Variants in CCDC7 observed in about 807,000 individuals in gnomAD.
CCDC7 encodes coiled-coil domain containing 7.
In CCDC7, 183 loss-of-function variants were observed where a neutral mutation model predicts 196.9. The ratio of observed to expected loss-of-function variants is 0.93; its 90% CI spans 0.82 to 1.05. The LOEUF (loss-of-function observed/expected upper bound fraction) is 1.05, where lower values mean the gene tolerates loss of function less well. Among genes scored for constraint, CCDC7 ranks in the 50% least tolerant of loss-of-function variants. CCDC7 has a pLI of 0.00. For missense variants in CCDC7, 1,540 were observed against 1,482.2 expected (o/e 1.04, Z -0.64); for synonymous variants, 525 against 484.6 (o/e 1.08, Z -1.10).
At position 32,474,210 on chromosome 10, in the gene CCDC7, C is replaced by CTTT. The variant is rs71027095; in HGVS notation, c.796+215_796+217dup. Reference sequence around the variant, plus strand: ...GGATACGTGTTACTGAAACTAGATTCTTTTTTTTTTTTTTTTTTTTTTTTT... The same window carrying CTTT: ...GGATACGTGTTACTGAAACTAGATTCTTTTTTTTTTTTTTTTTTTTTTTTTTTT... On this transcript the variant is annotated intron_variant, in intron 8 of 41. Transcript: ENST00000639629. Among the ~76,000 whole-genome samples, 294 of 58,964 alleles carry CTTT rather than the reference C, an allele frequency of 5.0e-3. 41 individuals carry two copies. Among genetic ancestry groups the CTTT allele is most frequent in the East Asian group, 0.031 (52 of 1,698 alleles). 38.7% of individuals were successfully genotyped at this position (58,964 alleles called of 152,430 possible).
intron 11 of CCDC7, among the ~76,000 whole-genome samples, chr10:32,540,334 G>C (rs564778963): frequency 3.5e-4 from 53 of 152,118 alleles, no homozygotes; most frequent in African/African-American, 1.1e-3. Flanking sequence ...CTGAAATTAG[G>C]TTTGCAACTC....
At chr10:32,785,867 T>C (rs2081778936) in intron 29 of CCDC7, among the ~76,000 whole-genome samples, 1 of 152,212 alleles carries the variant, frequency 6.6e-6, no homozygotes, top group Non-Finnish European at 1.5e-5. Flanking sequence ...TTCTTGTTTC[T>C]TTATTTTTGT....
intron 30 of CCDC7, among the ~76,000 whole-genome samples, chr10:32,805,921 G>A (rs1053194123): frequency 5.9e-5 from 9 of 152,296 alleles, no homozygotes; most frequent in East Asian, 1.9e-4. Context: ...GCCTCAGGGC[G>A]CTTTTACTCA....
intron 18 of CCDC7, among the ~76,000 whole-genome samples, chr10:32,598,659 A>G (rs1369561499): frequency 6.6e-6 from 1 of 152,134 alleles, no homozygotes; most frequent in Non-Finnish European, 1.5e-5. Context: ...TTACCTTATG[A>G]TTTATTGTGG....
At chr10:32,741,600 C>G (rs546806292) in intron 28 of CCDC7, among the ~76,000 whole-genome samples, 3 of 152,088 alleles carry the variant, frequency 2.0e-5, no homozygotes, top group Non-Finnish European at 4.4e-5. Context: ...GAAAAAAAGC[C>G]ACGTATGAGT....
At chr10:32,794,284 G>A (rs888973742) in intron 29 of CCDC7, among the ~76,000 whole-genome samples, 6 of 152,130 alleles carry the variant, frequency 3.9e-5, no homozygotes, top group African/African-American at 9.7e-5. Flanking sequence ...CATCATTTCC[G>A]TGGTGTATTG....
chr10:32,537,563 T>A (rs2050729673), intron 11 of CCDC7, among the ~76,000 whole-genome samples: 1 of 152,224 alleles, frequency 6.6e-6, no homozygotes, highest in South Asian at 2.1e-4. Flanking sequence ...CATGAAATCT[T>A]TGCCAAGTCC....
chr10:32,546,016 G>A (rs2052402130), intron 13 of CCDC7, among the ~76,000 whole-genome samples: 1 of 152,076 alleles, frequency 6.6e-6, no homozygotes, highest in Non-Finnish European at 1.5e-5. Context: ...GTGGAGGAGG[G>A]AGAGAAGGAG....
intron 18 of CCDC7, among the ~76,000 whole-genome samples, chr10:32,616,471 G>A (rs1202956070): frequency 6.6e-6 from 1 of 151,308 alleles, no homozygotes; most frequent in Non-Finnish European, 1.5e-5. Context: ...GTCATTATCA[G>A]TGTGTAAAAA....
intron 24 of CCDC7, among the ~76,000 whole-genome samples, chr10:32,707,059 C>T (rs192519084): frequency 6.6e-6 from 1 of 152,204 alleles, no homozygotes; most frequent in East Asian, 1.9e-4. Flanking sequence ...AACATCGATG[C>T]AAAAATCCTC....
chr10:32,494,864 T>A (rs1252453378), intron 9 of CCDC7, among the ~76,000 whole-genome samples: 2 of 152,194 alleles, frequency 1.3e-5, no homozygotes, highest in East Asian at 3.8e-4. Flanking sequence ...TATGTGTGCA[T>A]GTGTTTTTAT....
intron 30 of CCDC7, among the ~76,000 whole-genome samples, chr10:32,811,464 T>C (rs960208474): frequency 2.0e-5 from 3 of 152,104 alleles, no homozygotes; most frequent in Admixed American, 6.6e-5. Context: ...ATAGAAAATC[T>C]GGTTAATGGG....
intron 9 of CCDC7, among the ~76,000 whole-genome samples, chr10:32,500,782 C>T (rs897095058): frequency 2.0e-5 from 3 of 152,240 alleles, no homozygotes; most frequent in Non-Finnish European, 2.9e-5. Context: ...AGCGAGACTC[C>T]GTCTGCAATC....
chr10:32,728,760 AT>A (rs2083476842), intron 26 of CCDC7, 126 bp from the exon 28 acceptor site: 1 of 498,500 alleles, frequency 2.0e-6, no homozygotes, highest in Admixed American at 3.9e-5. Flanking sequence ...AAATTATTCT[AT>A]TTTTGTGTCA....
intron 24 of CCDC7, among the ~76,000 whole-genome samples, chr10:32,709,319 C>T (rs1392735095): frequency 2.9e-5 from 3 of 103,894 alleles, no homozygotes; most frequent in African/African-American, 4.0e-5. Context: ...CGAGGCCTAT[C>T]GTGGGTGGGG....
In CCDC7 at chr10:32,783,947, T is replaced by C. The variant is rs540647803; in HGVS notation, c.3013+4863T>C. On this transcript the variant is annotated intron_variant, in intron 29 of 41. Transcript: ENST00000639629. ...ACTTATATGAGGTACCTACAATAAGTAGACAGAAAGTAGATCAAAGGTTCC... is the reference window on the plus strand; with the variant it reads ...ACTTATATGAGGTACCTACAATAAGCAGACAGAAAGTAGATCAAAGGTTCC... Among the ~76,000 whole-genome samples the C allele has an allele frequency of 3.9e-5, 6 of 152,260 alleles. No individual in the cohort carries two copies. The East Asian group carries it at 9.7e-4, about 24-fold the overall frequency.
intron 28 of CCDC7, among the ~76,000 whole-genome samples, chr10:32,755,659 C>A (rs886139270): frequency 1.3e-5 from 2 of 152,112 alleles, no homozygotes; most frequent in Non-Finnish European, 2.9e-5. Flanking sequence ...GAAACCAGAG[C>A]AGAAGAGCTG....
Position 32,562,598 on chromosome 10 carries a change from A to G in CCDC7, c.1135-2960A>G, listed in dbSNP as rs983385971. Among the ~76,000 whole-genome samples the G allele has an allele frequency of 3.3e-5, 5 of 152,222 alleles. No homozygotes were observed. In the East Asian group the frequency reaches 7.7e-4, roughly 23 times the overall value. On this transcript the variant is annotated intron_variant, in intron 13 of 41. Coordinates refer to ENST00000639629, the Ensembl canonical transcript of CCDC7. ...CAGGAAAGGCCTTTGACAAAATTCA[A>G]CAACGCTTCATGCTAAAAACTCAAT... is the stretch of plus-strand genomic sequence containing the variant.
chr10:32,597,192 G>T (rs1426101360), intron 18 of CCDC7, among the ~76,000 whole-genome samples: 2 of 152,104 alleles, frequency 1.3e-5, no homozygotes, highest in African/African-American at 4.8e-5. Context: ...TTTTCACATA[G>T]TCCCATATTT....
Sources: gnomAD v4.1 joint callset for allele counts (sites outside exome capture counted in the v4.1 genomes callset) on GRCh38, gnomAD v4.1.1 for gene constraint, MANE v1.5 for transcripts, NCBI Gene and HGNC (gene_info 2026-07-23, HGNC 2026-07-21) for gene names.